SPIDR: variants seen among roughly 807,000 people sequenced by gnomAD.
SPIDR encodes the protein scaffold protein involved in DNA repair.
A neutral mutation model predicts 104.6 loss-of-function variants in SPIDR; 93 were observed. That is an observed-to-expected ratio of 0.89 (90% CI 0.75 to 1.06). SPIDR has a LOEUF of 1.06. SPIDR is among the 50% of genes least tolerant of loss of function. The pLI, the probability that SPIDR is intolerant of heterozygous loss-of-function variation, is 0.00. For synonymous variants in SPIDR, 431 were observed against 416.9 expected (o/e 1.03, Z -0.41); for missense variants, 1,154 against 1,111.2 (o/e 1.04, Z -0.55).
At chr8:47,712,906 G>T in intron 15 of SPIDR, 34 bp downstream of exon 15, 2 of 1,612,270 alleles carry the variant, frequency 1.2e-6, no homozygotes, top group East Asian at 2.2e-5. Context: ...TGATGCAGGG[G>T]CGACTGATCC....
rs2072131255 is a variant in SPIDR at position 47,653,754 on chromosome 8, T to C, written c.1545-20047T>C. Among the ~76,000 whole-genome samples, 4 of 151,840 alleles carry C rather than the reference T, an allele frequency of 2.6e-5. No individual in the cohort carries two copies. In the South Asian group the frequency reaches 8.3e-4, roughly 31 times the overall value. ...TGAGCTAAGGGCTCTGACATGTACA[T>C]ACGGAATAAGAAATAAGATTCCTGC... On this transcript the variant is annotated intron_variant, in intron 10 of 19. Coordinates refer to ENST00000297423, the MANE Select transcript of SPIDR (RefSeq NM_001080394.4).
intron 16 of SPIDR, among the ~76,000 whole-genome samples, chr8:47,719,018 G>A (rs2082987781): frequency 6.6e-6 from 1 of 152,168 alleles, no homozygotes; most frequent in South Asian, 2.1e-4. Flanking sequence ...GAGGTGAGGT[G>A]GTGAGCAGGA....
chr8:47,465,844 C>T (rs1200007749), intron 8 of SPIDR, among the ~76,000 whole-genome samples: 1 of 152,074 alleles, frequency 6.6e-6, no homozygotes, highest in African/African-American at 2.4e-5. Context: ...ATCTACCAAG[C>T]AAATGGAAAA....
At chr8:47,606,990 GCTTTTCTTTTATGTACCA>G (rs2154429164) in intron 10 of SPIDR, among the ~76,000 whole-genome samples, 1 of 152,294 alleles carries the variant, frequency 6.6e-6, no homozygotes, top group Non-Finnish European at 1.5e-5. Context: ...CATTTCACCT[GCTTTTCTTTTATGTACCA>G]CCACATACTG....
chr8:47,647,657 A>AGAGAGAGAGAGG (rs2070759202), intron 10 of SPIDR, among the ~76,000 whole-genome samples: 1 of 145,978 alleles, frequency 6.9e-6, no homozygotes, highest in Admixed American at 6.8e-5. Flanking sequence ...AGAGAGAGGG[A>AGAGAGAGAGAGG]GAGAGAGAGA....
intron 6 of SPIDR, among the ~76,000 whole-genome samples, chr8:47,403,460 C>T (rs931978742): frequency 1.4e-4 from 22 of 152,192 alleles, no homozygotes; most frequent in Non-Finnish European, 2.6e-4. Flanking sequence ...AAAACCCCAT[C>T]GTCTCAGCCC....
intron 19 of SPIDR, among the ~76,000 whole-genome samples, chr8:47,734,351 A>G (rs1012920351): frequency 2.6e-5 from 4 of 152,136 alleles, no homozygotes; most frequent in Admixed American, 2.6e-4. Context: ...GCTCAAACTC[A>G]GGGAAAGGCA....
At chr8:47,715,083 C>A (rs768945008) in intron 16 of SPIDR, among the ~76,000 whole-genome samples, 4 of 152,118 alleles carry the variant, frequency 2.6e-5, no homozygotes, top group Admixed American at 2.0e-4. Context: ...CCGTTACCAC[C>A]CACCCTCCCA....
At chr8:47,556,770 T>C (rs1353667442) in intron 8 of SPIDR, among the ~76,000 whole-genome samples, 2 of 152,112 alleles carry the variant, frequency 1.3e-5, no homozygotes, top group Non-Finnish European at 2.9e-5. Context: ...TCCCAGATAA[T>C]TTTTTAAATT....
At chr8:47,426,012 A>G (rs1282774273) in intron 7 of SPIDR, among the ~76,000 whole-genome samples, 2 of 151,950 alleles carry the variant, frequency 1.3e-5, no homozygotes, top group East Asian at 3.9e-4. Context: ...TGGGAGGCTG[A>G]GGCAGGCAGA....
chr8:47,404,991 G>A (rs978266856), intron 6 of SPIDR, among the ~76,000 whole-genome samples: 3 of 152,146 alleles, frequency 2.0e-5, no homozygotes, highest in African/African-American at 7.2e-5. Context: ...AAGAAAATAT[G>A]GCACATATAC....
chr8:47,352,722 A>T (rs1389931094), intron 5 of SPIDR, among the ~76,000 whole-genome samples: 5 of 152,142 alleles, frequency 3.3e-5, no homozygotes, highest in Non-Finnish European at 5.9e-5. Flanking sequence ...GCAAAATTTA[A>T]AGTAGGGGAA....
intron 5 of SPIDR, among the ~76,000 whole-genome samples, chr8:47,296,186 A>T (rs1315660686): frequency 2.6e-5 from 4 of 152,136 alleles, no homozygotes; most frequent in East Asian, 1.9e-4. Flanking sequence ...GCCTTATCAG[A>T]TATGTAGTTT....
chr8:47,487,526 C>G (rs1554732570), intron 8 of SPIDR, among the ~76,000 whole-genome samples: 1 of 152,224 alleles, frequency 6.6e-6, no homozygotes, highest in Non-Finnish European at 1.5e-5. Flanking sequence ...CTACAGAACT[C>G]TCCACCCAAA....
rs572336095 is a variant in SPIDR, at chr8:47,698,094, A to T, written c.1686-2309A>T. 2.6e-4 allele frequency among the ~76,000 whole-genome samples: 39 copies of T among 152,352 alleles called. No homozygotes were observed. In the South Asian group the frequency reaches 7.5e-3, roughly 29 times the overall value. ...CAACATAATTAAGTTATCAAATCAT[A>T]AGCATAATGAATTAATCTGTATGTC... On this transcript the variant is annotated intron_variant, in intron 11 of 19. Transcript: ENST00000297423.
chr8:47,397,432 G>T (rs1294196971), intron 6 of SPIDR, among the ~76,000 whole-genome samples: 1 of 152,094 alleles, frequency 6.6e-6, no homozygotes, highest in East Asian at 1.9e-4. Context: ...GGAGGCGGAG[G>T]TTGCAGTGAG....
At chr8:47,535,268 A>G (rs989768522) in intron 8 of SPIDR, among the ~76,000 whole-genome samples, 1 of 152,198 alleles carries the variant, frequency 6.6e-6, no homozygotes, top group Non-Finnish European at 1.5e-5. Context: ...AGTACTCTAT[A>G]ATCTTTCCCA....
intron 8 of SPIDR, among the ~76,000 whole-genome samples, chr8:47,487,200 C>G (rs1449741618): frequency 1.3e-5 from 2 of 150,342 alleles, no homozygotes; most frequent in African/African-American, 4.9e-5. Flanking sequence ...AAAGGGGTTG[C>G]AATCCTAGTC....
chr8:47,711,677 T>C (rs1361889210), intron 14 of SPIDR, among the ~76,000 whole-genome samples: 2 of 152,166 alleles, frequency 1.3e-5, no homozygotes, highest in East Asian at 3.8e-4. Context: ...TACTTCTATA[T>C]TTCTATCTAT....
Sources: allele counts gnomAD v4.1 joint callset (sites outside exome capture counted in the v4.1 genomes callset), GRCh38; gene constraint gnomAD v4.1.1; transcripts MANE v1.5; gene names NCBI Gene and HGNC (gene_info 2026-07-23, HGNC 2026-07-21).